Variants in MAPKAP1 observed in about 807,000 individuals in gnomAD.
MAPKAP1 encodes the protein target of rapamycin complex 2 subunit MAPKAP1.
In MAPKAP1, 20 loss-of-function variants were observed where a neutral mutation model predicts 65.7. The observed-to-expected ratio is 0.30, with a 90% CI of 0.21 to 0.44. The LOEUF is 0.44. Among genes scored for constraint, MAPKAP1 ranks in the 20% least tolerant of loss-of-function variants. The pLI is 1.00. For missense variants in MAPKAP1, 423 were observed against 648.0 expected (o/e 0.65, Z 3.77); for synonymous variants, 222 against 244.3 (o/e 0.91, Z 0.85).
rs974085347 is a variant in MAPKAP1, at chr9:125,610,497, T to C, written c.499-24770A>G. Among the ~76,000 whole-genome samples the C allele has an allele frequency of 7.9e-5, 12 of 152,270 alleles. 1 individual carries two copies. In the South Asian group the frequency reaches 2.3e-3, roughly 29 times the overall value. ...ACTTGCCAAACAAGGTGACATGAAGTGTCAGTTTTCTTGGTCAGCAGGCTA... is the reference window on the plus strand; with the variant it reads ...ACTTGCCAAACAAGGTGACATGAAGCGTCAGTTTTCTTGGTCAGCAGGCTA... On this transcript the variant is annotated intron_variant, in intron 4 of 11. Coordinates refer to ENST00000265960, the MANE Select transcript of MAPKAP1 (RefSeq NM_001006617.3).
chr9:125,678,918 A>G (rs898342784), intron 1 of MAPKAP1, among the ~76,000 whole-genome samples: 1 of 152,162 alleles, frequency 6.6e-6, no homozygotes, highest in African/African-American at 2.4e-5. Context: ...AAAAAATCAA[A>G]TTCAAGAGCT....
intron 4 of MAPKAP1, chr9:125,652,334 T>G (rs1833918778): frequency 1.1e-6 from 1 of 921,968 alleles, no homozygotes; most frequent in Admixed American, 4.5e-5. Context: ...TTAACCAGTA[T>G]GTGTTAATTG....
At chr9:125,492,393 A>G (rs1218303362) in intron 8 of MAPKAP1, among the ~76,000 whole-genome samples, 4 of 152,236 alleles carry the variant, frequency 2.6e-5, no homozygotes, top group African/African-American at 4.8e-5. Flanking sequence ...ATAGCTGTGT[A>G]TATGTGTTAT....
chr9:125,548,561 C>T (rs933185442), intron 6 of MAPKAP1, among the ~76,000 whole-genome samples: 21 of 152,142 alleles, frequency 1.4e-4, no homozygotes, highest in Admixed American at 1.2e-3. Flanking sequence ...ACTTCATTTC[C>T]TCATCTACAA....
At chr9:125,699,636 G>T (rs1338880930) in intron 1 of MAPKAP1, among the ~76,000 whole-genome samples, 1 of 148,198 alleles carries the variant, frequency 6.7e-6, no homozygotes, top group Non-Finnish European at 1.5e-5. Context: ...TTTTGATTTT[G>T]ATTTTTTTTT....
intron 8 of MAPKAP1, among the ~76,000 whole-genome samples, chr9:125,495,920 GGT>G (rs1347221706): frequency 1.3e-5 from 2 of 152,192 alleles, no homozygotes; most frequent in Admixed American, 1.3e-4. Context: ...GACAAGCTAT[GGT>G]GTCTGTGACA....
intron 8 of MAPKAP1, among the ~76,000 whole-genome samples, chr9:125,491,430 G>C (rs2133053235): frequency 6.6e-6 from 1 of 152,116 alleles, no homozygotes; most frequent in African/African-American, 2.4e-5. Flanking sequence ...AACAGAGTGA[G>C]ACCCTGTCTC....
intron 6 of MAPKAP1, 25 bp downstream of exon 6, chr9:125,559,608 G>C (rs1167919155): frequency 6.3e-7 from 1 of 1,580,364 alleles, no homozygotes; most frequent in South Asian, 1.1e-5. Flanking sequence ...GAGATACCGA[G>C]AGAAGTAATA....
In MAPKAP1 at chr9:125,672,440, T is replaced by C. The variant is rs773635857; in HGVS notation, c.135A>G (p.Ser45=). ...TTTCTGACCCACTGTCTCCAGGCAT[T>C]GAAGGAGGATGAATCTTCTCTAGGT... ...DVDLEKIHPP[S]MPGDSGSEIQ... is the part of the protein sequence containing the mutation. The change falls in exon 2 of 12, where the codon TCA becomes TCG. Residue 45 remains serine (S), a synonymous_variant. Transcript: ENST00000265960. 6.2e-7 allele frequency: 1 copy of C among 1,614,192 alleles called. No homozygotes were observed. Among genetic ancestry groups the C allele is most frequent in the East Asian group, 2.2e-5 (1 of 44,886 alleles).
intron 1 of MAPKAP1, among the ~76,000 whole-genome samples, chr9:125,673,680 G>C (rs182961731): frequency 1.3e-5 from 2 of 152,176 alleles, no homozygotes; most frequent in African/African-American, 4.8e-5. Flanking sequence ...AACCCTTTGG[G>C]GGGCCGAGGC....
chr9:125,627,439 T>G (rs1833146826), intron 4 of MAPKAP1, among the ~76,000 whole-genome samples: 1 of 152,112 alleles, frequency 6.6e-6, no homozygotes, highest in South Asian at 2.1e-4. Flanking sequence ...GTGAACCATA[T>G]AAAGTGAAGA....
At chr9:125,653,165 T>C (rs945032054) in intron 4 of MAPKAP1, among the ~76,000 whole-genome samples, 2 of 152,206 alleles carry the variant, frequency 1.3e-5, no homozygotes, top group African/African-American at 4.8e-5. Context: ...CTGGAACTTG[T>C]AGAGAAGAAA....
At chr9:125,650,512 T>A (rs1833863323) in intron 4 of MAPKAP1, 1 of 152,226 alleles carries the variant, frequency 6.6e-6, no homozygotes, top group African/African-American at 2.4e-5. Flanking sequence ...TCTTAGCTAG[T>A]TCTTACTCAC....
At chr9:125,581,350 C>A (rs1831619146) in intron 5 of MAPKAP1, among the ~76,000 whole-genome samples, 1 of 152,244 alleles carries the variant, frequency 6.6e-6, no homozygotes, top group Admixed American at 6.5e-5. Flanking sequence ...TTCTCTACAT[C>A]CTTGCCAGCA....
intron 4 of MAPKAP1, among the ~76,000 whole-genome samples, chr9:125,624,682 G>A (rs1337380999): frequency 8.4e-5 from 6 of 71,286 alleles, no homozygotes; most frequent in African/African-American, 3.1e-4. Flanking sequence ...CTGCCCGGCC[G>A]CCCCTACTGG....
intron 7 of MAPKAP1, among the ~76,000 whole-genome samples, chr9:125,536,394 A>C (rs541632408): frequency 6.6e-6 from 1 of 152,196 alleles, no homozygotes; most frequent in Non-Finnish European, 1.5e-5. Flanking sequence ...TAAACACTTT[A>C]GCAGCCCTAA....
At position 125,447,555 on chromosome 9, in the gene MAPKAP1, C is replaced by A; in HGVS notation, c.1346-2957G>T. 1 of 445,900 alleles carries A rather than the reference C, an allele frequency of 2.2e-6. No homozygotes were observed. The highest frequency in any genetic ancestry group is 4.5e-6 in the Non-Finnish European group (1 of 219,806). 27.6% of individuals were successfully genotyped at this position (445,900 alleles called of 1,614,324 possible). A position where few individuals can be genotyped will look rare whatever the true frequency, so the allele number is the denominator to read the frequency against. On this transcript the variant is annotated intron_variant, in intron 10 of 11. Coordinates refer to ENST00000265960, the MANE Select transcript of MAPKAP1 (RefSeq NM_001006617.3). This position sits in a 1 kb window ranked among gnomAD's most constrained non-coding sequence, Gnocchi z 4.5. ...CATAGGACATGGGGCGGACTCACTC[C>A]GCGGGCGTTTCTGCCCCGAGTTCCC...
chr9:125,535,767 T>A (rs552629130), intron 7 of MAPKAP1, among the ~76,000 whole-genome samples: 1 of 152,238 alleles, frequency 6.6e-6, no homozygotes, highest in Non-Finnish European at 1.5e-5. Context: ...AATTATTTCC[T>A]GAGAAGCTAT....
At chr9:125,577,376 C>T (rs368770356) in intron 5 of MAPKAP1, among the ~76,000 whole-genome samples, 2,834 of 150,516 alleles carry the variant, frequency 0.019, 144 homozygotes, top group East Asian at 0.14. Context: ...CCACCCCGTC[C>T]GGGAGGGAGG....
Sources: allele counts gnomAD v4.1 joint callset (sites outside exome capture counted in the v4.1 genomes callset), GRCh38; gene constraint gnomAD v4.1.1; non-coding constraint Gnocchi (gnomAD v3.1); transcripts MANE v1.5; gene names NCBI Gene and HGNC (gene_info 2026-07-23, HGNC 2026-07-21).